Variants in CLIC5 observed in about 807,000 individuals in gnomAD.
CLIC5 encodes the protein chloride intracellular channel protein 5.
CLIC5 carries 20 observed loss-of-function variants against 24.7 expected under a neutral mutation model. The observed-to-expected ratio is 0.81, with a 90% confidence interval of 0.57 to 1.18. The LOEUF (loss-of-function observed/expected upper bound fraction) is 1.18, where lower values mean the gene tolerates loss of function less well. CLIC5 is among the 50% of genes most tolerant of loss of function. The pLI is 0.00. For missense variants in CLIC5, 341 were observed against 326.1 expected (o/e 1.05, Z -0.35); for synonymous variants, 159 against 135.6 (o/e 1.17, Z -1.20).
In CLIC5 at chr6:45,955,329, G is replaced by C. The variant is rs1003790966; in HGVS notation, c.64-85C>G. 4.4e-6 allele frequency: 4 copies of C among 914,664 alleles called. No individual in the cohort carries two copies. In the Middle Eastern group the frequency reaches 8.8e-4, roughly 202 times the overall value. The allele number at this position is 914,664 out of a possible 1,614,324, so 56.7% of individuals were successfully genotyped here. On this transcript the variant is annotated intron_variant, in intron 1 of 5. Coordinates refer to ENST00000339561, the MANE Select transcript of CLIC5 (RefSeq NM_016929.5). The stretch of plus-strand genomic sequence containing the variant: ...GATTGTAACACCCAAATGCAGGTCT[G>C]AGGAGACCTTACTAAAACCATGTCC...
rs144382537 is a variant in CLIC5 at position 46,024,203 on chromosome 6, T to C, written c.540+55500A>G. On this transcript the variant is annotated intron_variant, in intron 1 of 5. Coordinates refer to the CLIC5 transcript ENST00000185206. Reference sequence around the variant, plus strand: ...AACAGTTGTCATAATCTTAGACAACTAGATTCCATTTGCCTTGAGTTACCC... The same window carrying C: ...AACAGTTGTCATAATCTTAGACAACCAGATTCCATTTGCCTTGAGTTACCC... 2.0e-3 allele frequency among the ~76,000 whole-genome samples: 308 copies of C among 152,318 alleles called. 1 individual carries two copies. The highest frequency in any genetic ancestry group is 3.6e-3 in the Non-Finnish European group (248 of 68,018).
chr6:45,980,997 A>ATC, intron 1 of CLIC5, among the ~76,000 whole-genome samples: 1 of 152,064 alleles, frequency 6.6e-6, no homozygotes, highest in Non-Finnish European at 1.5e-5. Context: ...TTGAGACAAG[A>ATC]TCTCTCTCTG....
At chr6:45,928,275 T>A (rs537064228) in intron 4 of CLIC5, among the ~76,000 whole-genome samples, 1 of 152,342 alleles carries the variant, frequency 6.6e-6, no homozygotes, top group South Asian at 2.1e-4. Flanking sequence ...GCAAAAGATG[T>A]TTAAAAGCTG....
At chr6:46,119,646 C>G in the CLIC5 span, among the ~76,000 whole-genome samples, 1 of 152,250 alleles carries the variant, frequency 6.6e-6, no homozygotes, top group African/African-American at 2.4e-5. Context: ...ATCGCCTCAT[C>G]AGGGAAGTAC....
At chr6:45,890,850 A>C (rs182133789) in intron 6 of CLIC5, among the ~76,000 whole-genome samples, 15 of 152,248 alleles carry the variant, frequency 9.9e-5, no homozygotes, top group Admixed American at 3.3e-4. Context: ...CTTAGGTCTC[A>C]CTTTTATGTG....
chr6:46,019,840 A>G (rs1359202163), upstream of CLIC5, among the ~76,000 whole-genome samples: 1 of 151,524 alleles, frequency 6.6e-6, no homozygotes, highest in Non-Finnish European at 1.5e-5. Flanking sequence ...TAATAATAAT[A>G]ATAATAACAG....
intron 1 of CLIC5, among the ~76,000 whole-genome samples, chr6:46,078,575 A>G (rs1762835680): frequency 6.6e-6 from 1 of 152,176 alleles, no homozygotes; most frequent in South Asian, 2.1e-4. Context: ...GAATACATTG[A>G]GTGCAAGTCT....
the CLIC5 span, among the ~76,000 whole-genome samples, chr6:46,127,115 T>C: frequency 6.6e-6 from 1 of 152,216 alleles, no homozygotes; most frequent in African/African-American, 2.4e-5. Context: ...AAATAATATT[T>C]CTATACATTT....
intron 1 of CLIC5, among the ~76,000 whole-genome samples, chr6:46,038,535 A>G (rs1368252938): frequency 1.3e-5 from 2 of 152,230 alleles, no homozygotes; most frequent in African/African-American, 4.8e-5. Flanking sequence ...AACAATGGAA[A>G]TGAGAGTGAA....
chr6:45,967,478 G>C (rs1765053943), intron 1 of CLIC5, among the ~76,000 whole-genome samples: 1 of 152,220 alleles, frequency 6.6e-6, no homozygotes, highest in Non-Finnish European at 1.5e-5. Flanking sequence ...CCTAATGTGA[G>C]CCTCAAAGGT....
the CLIC5 span, among the ~76,000 whole-genome samples, chr6:46,111,133 T>G: frequency 5.9e-5 from 9 of 152,172 alleles, no homozygotes; most frequent in African/African-American, 9.7e-5. Context: ...TGTTTTCACA[T>G]TTTTCTTCTA....
At chr6:45,970,456 C>T (rs1349553476) in intron 1 of CLIC5, among the ~76,000 whole-genome samples, 1 of 152,026 alleles carries the variant, frequency 6.6e-6, no homozygotes, top group Non-Finnish European at 1.5e-5. Context: ...TTTTGTAATC[C>T]CCAGGCCAAA....
intron 1 of CLIC5, among the ~76,000 whole-genome samples, chr6:45,996,836 T>C (rs1418918145): frequency 2.0e-5 from 3 of 151,652 alleles, no homozygotes; most frequent in Non-Finnish European, 4.4e-5. Flanking sequence ...ATGGCAATCA[T>C]TAAAAAGTCA....
At chr6:45,958,450 A>AC (rs1764735709) in intron 1 of CLIC5, among the ~76,000 whole-genome samples, 1 of 129,196 alleles carries the variant, frequency 7.7e-6, no homozygotes, top group African/African-American at 2.9e-5. Flanking sequence ...ATATATATAT[A>AC]TATATATATA....
At chr6:46,114,321 C>T in the CLIC5 span, among the ~76,000 whole-genome samples, 55 of 152,294 alleles carry the variant, frequency 3.6e-4, no homozygotes, top group South Asian at 8.9e-3. Context: ...GATGTGCATG[C>T]GCAGCCCAGT....
intron 1 of CLIC5, among the ~76,000 whole-genome samples, chr6:46,077,517 G>A (rs1229474646): frequency 6.6e-6 from 1 of 151,904 alleles, no homozygotes; most frequent in African/African-American, 2.4e-5. Flanking sequence ...ACACCCTACA[G>A]TTTCACTCAA....
intron 6 of CLIC5, among the ~76,000 whole-genome samples, chr6:45,881,504 C>T (rs1248741997): frequency 6.6e-6 from 1 of 152,112 alleles, no homozygotes; most frequent in Non-Finnish European, 1.5e-5. Flanking sequence ...GCCTTACTAG[C>T]CAAGAAAGGA....
At position 45,900,544 on chromosome 6, in the gene CLIC5, G is replaced by T. The variant is rs866664997; in HGVS notation, c.*2544C>A. On this transcript the variant is annotated 3_prime_UTR_variant, in exon 6 of 6. Transcript: ENST00000339561. ...TCTCTTTTGAAACAAAAAAAAAAAG[G>T]AAGGTAATATTAATATTATTGTTAC... 1.1e-5 allele frequency: 1 copy of T among 91,338 alleles called. No homozygotes were observed. The highest frequency in any genetic ancestry group is 5.2e-5 in the African/African-American group (1 of 19,066). The allele number at this position is 91,338 out of a possible 1,614,324, so 5.7% of individuals were successfully genotyped here. A position where few individuals can be genotyped will look rare whatever the true frequency, so the allele number is the denominator to read the frequency against.
the CLIC5 span, among the ~76,000 whole-genome samples, chr6:46,112,342 C>T: frequency 1.6e-4 from 24 of 152,314 alleles, no homozygotes; most frequent in South Asian, 5.0e-3. Context: ...TCTCTAAGAG[C>T]TTTCACCTGT....
Sources: gnomAD v4.1 joint callset for allele counts (sites outside exome capture counted in the v4.1 genomes callset) on GRCh38, gnomAD v4.1.1 for gene constraint, MANE v1.5 for transcripts, NCBI Gene and HGNC (gene_info 2026-07-23, HGNC 2026-07-21) for gene names.